Variants in TAB1 observed in about 807,000 individuals in gnomAD.
TAB1 encodes the protein TGF-beta activated kinase 1 (MAP3K7) binding protein 1.
Under a neutral mutation model 54.5 loss-of-function variants are expected in TAB1, and 30 were observed. The observed-to-expected ratio is 0.55, with a 90% CI of 0.41 to 0.75. The LOEUF (loss-of-function observed/expected upper bound fraction) is 0.75, where lower values mean the gene tolerates loss of function less well. TAB1 is among the 30% of genes least tolerant of loss of function. TAB1 has a pLI of 0.00. For missense variants in TAB1, 609 were observed against 683.2 expected, an observed-to-expected ratio of 0.89 and a Z score of 1.21; for synonymous variants, 289 against 286.9, an observed-to-expected ratio of 1.01 and a Z score of -0.07.
chr22:39,432,862 T>G, downstream of TAB1: 8 of 985,154 alleles, frequency 8.1e-6, no homozygotes, highest in Non-Finnish European at 9.6e-6. Context: ...TGGAGGGAAA[T>G]GAAGGTGAGA....
chr22:39,413,500 T>TC (rs945675901), intron 1 of TAB1, among the ~76,000 whole-genome samples: 12 of 151,810 alleles, frequency 7.9e-5, no homozygotes, highest in Admixed American at 7.9e-4. Flanking sequence ...CGCTGCAACC[T>TC]CCGACTCCTG....
At chr22:39,425,342 C>G (rs996437860) in intron 8 of TAB1, among the ~76,000 whole-genome samples, 3 of 151,290 alleles carry the variant, frequency 2.0e-5, no homozygotes. Context: ...GAGATCACAG[C>G]ACTGCACTCC....
In TAB1 at chr22:39,431,513, G is replaced by A. The variant is rs775497346; in HGVS notation, c.*1291G>A. 60 of 985,602 alleles carry A rather than the reference G, an allele frequency of 6.1e-5. No individual in the cohort carries two copies. The highest frequency in any genetic ancestry group is 6.9e-5 in the Non-Finnish European group (57 of 830,050). 61.1% of individuals were successfully genotyped at this position (985,602 alleles called of 1,614,324 possible). On this transcript the variant is annotated 3_prime_UTR_variant, in exon 11 of 11. Transcript: ENST00000216160. ...CAGACCGGCCCACCAGGGACTAGCCGCTGTCGCACAGCCTCTGGGGTGCTT... is the reference window on the plus strand; with the variant it reads ...CAGACCGGCCCACCAGGGACTAGCCACTGTCGCACAGCCTCTGGGGTGCTT...
intron 9 of TAB1, among the ~76,000 whole-genome samples, chr22:39,427,532 C>T (rs909410555): frequency 6.6e-5 from 10 of 152,232 alleles, no homozygotes; most frequent in African/African-American, 2.4e-4. Flanking sequence ...AGCACTAAGA[C>T]CTTCGGTTCC....
chr22:39,400,950 C>T (rs1926109327), intron 1 of TAB1, among the ~76,000 whole-genome samples: 1 of 146,914 alleles, frequency 6.8e-6, no homozygotes, highest in South Asian at 2.2e-4. Context: ...GGAGAATTAG[C>T]TTGAACACAG....
chr22:39,417,572 G>A, intron 4 of TAB1, 139 bp from the exon 5 acceptor site: 6 of 789,244 alleles, frequency 7.6e-6, no homozygotes, highest in South Asian at 2.9e-5. Context: ...AGTGAGCCGA[G>A]ATCATGCCAC....
At chr22:39,418,624 C>G in intron 5 of TAB1, 108 bp from the exon 6 acceptor site, 1 of 802,450 alleles carries the variant, frequency 1.2e-6, no homozygotes, top group Middle Eastern at 2.2e-4. Context: ...TTGCCCATTT[C>G]AGGTATTTCC....
intron 1 of TAB1, among the ~76,000 whole-genome samples, chr22:39,403,493 G>C (rs1926232359): frequency 6.6e-6 from 1 of 152,194 alleles, no homozygotes; most frequent in Non-Finnish European, 1.5e-5. Flanking sequence ...GAGTAGCTGA[G>C]GTCTGAGGGA....
rs370754173 is a variant in TAB1, at chr22:39,418,407, C to G, written c.551-325C>G. Among the ~76,000 whole-genome samples, 7 of 152,302 alleles carry G rather than the reference C, an allele frequency of 4.6e-5. No homozygotes were observed. The East Asian group carries it at 1.2e-3, about 25-fold the overall frequency. ...CCCAGCAGTTATCAACTGTGGCCAG[C>G]CTTCTTTGTCCCCACGTTCTCTATT... On this transcript the variant is annotated intron_variant, in intron 5 of 10. Coordinates refer to ENST00000216160, the MANE Select transcript of TAB1 (RefSeq NM_006116.3).
chr22:39,408,064 A>G (rs1926444295), intron 1 of TAB1, among the ~76,000 whole-genome samples: 2 of 152,208 alleles, frequency 1.3e-5, no homozygotes, highest in Non-Finnish European at 2.9e-5. Context: ...AAGACTCCTT[A>G]GATAAACAAT....
At chr22:39,434,166 A>G (rs1568990094), downstream of TAB1, among the ~76,000 whole-genome samples, 1 of 152,238 alleles carries the variant, frequency 6.6e-6, no homozygotes. Flanking sequence ...GAGTGGCCAT[A>G]GCCGTGAGAA....
intron 4 of TAB1, among the ~76,000 whole-genome samples, chr22:39,417,186 C>T (rs35843516): frequency 0.043 from 6,539 of 152,302 alleles, 490 homozygotes; most frequent in African/African-American, 0.15. Flanking sequence ...CCACCTGCAG[C>T]GCTTACCTCT....
intron 10 of TAB1, 161 bp from the exon 11 acceptor site, chr22:39,429,854 T>C: frequency 4.1e-6 from 4 of 985,462 alleles, no homozygotes; most frequent in Non-Finnish European, 4.8e-6. Flanking sequence ...TTTTTATCTG[T>C]TCCTAAGATC....
chr22:39,424,182 C>T (rs1927218098), intron 8 of TAB1, among the ~76,000 whole-genome samples: 1 of 152,188 alleles, frequency 6.6e-6, no homozygotes, highest in African/African-American at 2.4e-5. Flanking sequence ...TCATTCTTTC[C>T]TTTTACTGGC....
intron 1 of TAB1, among the ~76,000 whole-genome samples, chr22:39,411,062 CTA>C (rs1271693661): frequency 6.6e-6 from 1 of 151,700 alleles, no homozygotes; most frequent in East Asian, 1.9e-4. Context: ...TGGAGAAAAG[CTA>C]GTCTTTTCAA....
chr22:39,420,557 G>A (rs1221180702), intron 7 of TAB1, among the ~76,000 whole-genome samples: 1 of 152,188 alleles, frequency 6.6e-6, no homozygotes, highest in Non-Finnish European at 1.5e-5. Flanking sequence ...CTAGGCAACT[G>A]AGTGTCGAAT....
At chr22:39,417,635 G>C in intron 4 of TAB1, 76 bp from the exon 5 acceptor site, 1 of 1,338,798 alleles carries the variant, frequency 7.5e-7, no homozygotes, top group Non-Finnish European at 1.0e-6. Context: ...AAAAAAAAAA[G>C]AGTAAAGGGA....
downstream of TAB1, chr22:39,436,971 C>T (rs1601706791): frequency 5.6e-6 from 1 of 179,120 alleles, no homozygotes; most frequent in East Asian, 1.5e-4. Flanking sequence ...CTCCAACCTT[C>T]CATCAGGTGT....
rs1210301723 is a variant in TAB1, at chr22:39,415,155, G to T, written c.170+13G>T. ...GGCTCAAGTTCAGGTGTGTGTGCCA[G>T]CATTTCTGTGTTGGGCCCGGGGAGT... On this transcript the variant is annotated intron_variant, in intron 2 of 10. Transcript: ENST00000216160. The surrounding 1 kb of genome is among the most constrained non-coding windows in gnomAD (Gnocchi z 4.9). 1.9e-5 allele frequency: 30 copies of T among 1,562,720 alleles called. No individual in the cohort carries two copies. Among genetic ancestry groups the T allele is most frequent in the Non-Finnish European group, 2.5e-5 (29 of 1,150,794 alleles).
Sources: gnomAD v4.1 joint callset for allele counts (sites outside exome capture counted in the v4.1 genomes callset) on GRCh38, gnomAD v4.1.1 for gene constraint, Gnocchi (gnomAD v3.1) non-coding constraint, MANE v1.5 for transcripts, NCBI Gene and HGNC (gene_info 2026-07-23, HGNC 2026-07-21) for gene names.